Variants in RGS6 observed in about 807,000 individuals in gnomAD.
RGS6 encodes the protein regulator of G protein signaling 6.
A neutral mutation model predicts 78.5 loss-of-function variants in RGS6; 30 were observed. That is an observed-to-expected ratio of 0.38 (90% CI 0.29 to 0.52). The LOEUF is 0.52. RGS6 is among the 20% of genes least tolerant of loss of function. RGS6 has a pLI of 0.85. For missense variants in RGS6, 495 were observed against 609.7 expected, an observed-to-expected ratio of 0.81 and a Z score of 1.98; for synonymous variants, 206 against 206.0, an observed-to-expected ratio of 1.00 and a Z score of 0.00.
chr14:72,157,504 TGA>T (rs1027504509), intron 2 of RGS6, among the ~76,000 whole-genome samples: 4 of 152,230 alleles, frequency 2.6e-5, no homozygotes, highest in African/African-American at 9.6e-5. Context: ...CTCCTTTTTC[TGA>T]GAGATGATTT....
At chr14:71,944,527 A>G (rs1197852365) in intron 1 of RGS6, among the ~76,000 whole-genome samples, 1 of 152,204 alleles carries the variant, frequency 6.6e-6, no homozygotes, top group Non-Finnish European at 1.5e-5. Flanking sequence ...TTAGCAATAA[A>G]AGATGTTAAA....
chr14:72,518,558 G>C (rs762897727), intron 15 of RGS6, 21 bp downstream of exon 15: 11 of 1,611,384 alleles, frequency 6.8e-6, no homozygotes, highest in Non-Finnish European at 9.3e-6. Context: ...CTACTCAAGT[G>C]GTTGTCATAA....
At chr14:71,952,250 C>T (rs1460397281) in intron 1 of RGS6, among the ~76,000 whole-genome samples, 2 of 152,100 alleles carry the variant, frequency 1.3e-5, no homozygotes, top group Admixed American at 1.3e-4. Flanking sequence ...TTAAATATTT[C>T]TGTAAGTGTT....
chr14:72,466,785 T>A (rs1009196667), intron 7 of RGS6, among the ~76,000 whole-genome samples: 5 of 152,240 alleles, frequency 3.3e-5, no homozygotes, highest in African/African-American at 1.2e-4. Context: ...GGTGGTTGTA[T>A]GAATCTATAC....
chr14:72,001,895 C>CTT (rs59274317), intron 2 of RGS6, among the ~76,000 whole-genome samples: 4,614 of 92,328 alleles, frequency 0.05, 432 homozygotes, highest in Admixed American at 0.09. Flanking sequence ...ATCCATTAAT[C>CTT]TTTTTTTTTT....
At chr14:71,946,445 C>T (rs918765060) in intron 1 of RGS6, among the ~76,000 whole-genome samples, 5 of 152,128 alleles carry the variant, frequency 3.3e-5, no homozygotes, top group African/African-American at 4.8e-5. Flanking sequence ...CCTGCTGGTC[C>T]GTGTCAGACA....
rs1182165389 is a variant in RGS6 at position 72,562,801 on chromosome 14, C to A, written c.*334C>A. 7 of 1,452,868 alleles carry A rather than the reference C, an allele frequency of 4.8e-6. No homozygotes were observed. Among genetic ancestry groups the A allele is most frequent in the Non-Finnish European group, 5.6e-6 (6 of 1,071,008 alleles). 90.0% of individuals were successfully genotyped at this position (1,452,868 alleles called of 1,614,324 possible). A position where few individuals can be genotyped will look rare whatever the true frequency, so the allele number is the denominator to read the frequency against. On this transcript the variant is annotated 3_prime_UTR_variant, in exon 18 of 18. Transcript: ENST00000553525. Reference sequence around the variant, plus strand: ...GTCGTGGGGTTCCTGTCACGACTATCACTTGAGATTATATTATTATCCTCA... The same window carrying A: ...GTCGTGGGGTTCCTGTCACGACTATAACTTGAGATTATATTATTATCCTCA...
chr14:71,890,045 G>GC, the RGS6 span, among the ~76,000 whole-genome samples: 5 of 152,094 alleles, frequency 3.3e-5, no homozygotes, highest in Middle Eastern at 3.4e-3. Context: ...GCTCTCTGAG[G>GC]CCCCCCCAGA....
chr14:72,139,583 T>C (rs2096505690), intron 2 of RGS6, among the ~76,000 whole-genome samples: 1 of 152,226 alleles, frequency 6.6e-6, no homozygotes, highest in South Asian at 2.1e-4. Flanking sequence ...AAAAAAATAC[T>C]GTTTGCACTG....
At chr14:72,457,041 G>T (rs2095648682) in intron 4 of RGS6, among the ~76,000 whole-genome samples, 1 of 141,894 alleles carries the variant, frequency 7.0e-6, no homozygotes, top group South Asian at 2.2e-4. Flanking sequence ...CTGTGATCAT[G>T]CCACTGCACT....
intron 2 of RGS6, among the ~76,000 whole-genome samples, chr14:71,994,946 C>A (rs150709572): frequency 9.7e-4 from 148 of 152,274 alleles, no homozygotes; most frequent in African/African-American, 3.4e-3. Flanking sequence ...TTTCACCGTC[C>A]TTACAGCCAG....
intron 3 of RGS6, among the ~76,000 whole-genome samples, chr14:72,431,963 G>A (rs1013006286): frequency 6.6e-6 from 1 of 152,110 alleles, no homozygotes; most frequent in African/African-American, 2.4e-5. Context: ...AGGGGATATT[G>A]GTCACTTGTC....
upstream of RGS6, among the ~76,000 whole-genome samples, chr14:71,930,936 C>CACCACACT (rs564311505): frequency 6.2e-5 from 8 of 128,492 alleles, no homozygotes; most frequent in African/African-American, 2.4e-4. Flanking sequence ...AAGATTGCAC[C>CACCACACT]ACCACACTCC....
intron 2 of RGS6, among the ~76,000 whole-genome samples, chr14:72,210,185 G>A (rs1435383329): frequency 1.3e-5 from 2 of 152,174 alleles, no homozygotes; most frequent in South Asian, 4.1e-4. Context: ...CGTGTGGGTT[G>A]AGGATTAATC....
chr14:71,973,106 T>C (rs907226904), intron 2 of RGS6, among the ~76,000 whole-genome samples: 2 of 152,200 alleles, frequency 1.3e-5, no homozygotes, highest in Non-Finnish European at 2.9e-5. Flanking sequence ...TTTTGTTAAG[T>C]CTAGTTCTTT....
chr14:71,935,870 A>C (rs1044871785), intron 1 of RGS6, among the ~76,000 whole-genome samples: 5 of 151,512 alleles, frequency 3.3e-5, no homozygotes, highest in South Asian at 2.1e-4. Flanking sequence ...TCATCCTGGG[A>C]GTCTCTGATT....
At chr14:71,948,019 G>A in intron 1 of RGS6, among the ~76,000 whole-genome samples, 1 of 152,182 alleles carries the variant, frequency 6.6e-6, no homozygotes, top group East Asian at 1.9e-4. Flanking sequence ...CAAAATCCAA[G>A]TATCTCGAGC....
chr14:72,367,051 A>G (rs2082576930), intron 3 of RGS6, among the ~76,000 whole-genome samples: 1 of 152,236 alleles, frequency 6.6e-6, no homozygotes, highest in South Asian at 2.1e-4. Flanking sequence ...ATTGAGTACC[A>G]GAGACATGAT....
chr14:72,129,495 T>C (rs2096270953), intron 2 of RGS6, among the ~76,000 whole-genome samples: 1 of 152,204 alleles, frequency 6.6e-6, no homozygotes, highest in African/African-American at 2.4e-5. Flanking sequence ...CACAACAAAC[T>C]ACTCCAACAC....
Sources: gnomAD v4.1 joint callset for allele counts (sites outside exome capture counted in the v4.1 genomes callset) on GRCh38, gnomAD v4.1.1 for gene constraint, MANE v1.5 for transcripts, NCBI Gene and HGNC (gene_info 2026-07-23, HGNC 2026-07-21) for gene names.